SF3B1: variants seen among roughly 807,000 people sequenced by gnomAD.
The protein encoded by SF3B1 is splicing factor 3b subunit 1, also known as pre-mRNA processing 10.
Under a neutral mutation model 153.8 loss-of-function variants are expected in SF3B1, and 12 were observed. The observed-to-expected ratio is 0.08, with a 90% CI of 0.05 to 0.13. The LOEUF is 0.13. Among genes scored for constraint, SF3B1 ranks in the 10% least tolerant of loss-of-function variants. The pLI is 1.00. For synonymous variants in SF3B1, 498 were observed against 525.2 expected, an observed-to-expected ratio of 0.95 and a Z score of 0.71; for missense variants, 513 against 1,606.1, an observed-to-expected ratio of 0.32 and a Z score of 11.63.
chr2:197,396,018 T>C, intron 23 of SF3B1, 38 bp downstream of exon 23: 1 of 1,507,674 alleles, frequency 6.6e-7, no homozygotes, highest in Non-Finnish European at 9.1e-7. Flanking sequence ...GAAGGAAGAG[T>C]TATAATTATT....
intron 6 of SF3B1, among the ~76,000 whole-genome samples, chr2:197,413,449 T>C (rs1217583910): frequency 6.6e-6 from 1 of 152,188 alleles, no homozygotes; most frequent in Non-Finnish European, 1.5e-5. Flanking sequence ...TAGTTACTTA[T>C]ATTGAACAGA....
chr2:197,418,232 T>TC (rs1245843359), intron 5 of SF3B1, among the ~76,000 whole-genome samples: 1 of 6,584 alleles, frequency 1.5e-4, no homozygotes, highest in African/African-American at 4.0e-4. Context: ...TGAGACTGTG[T>TC]CCAAAAAAAA....
At chr2:197,395,918 C>T in intron 23 of SF3B1, 138 bp downstream of exon 23, 1 of 652,006 alleles carries the variant, frequency 1.5e-6, no homozygotes, top group African/African-American at 1.8e-5. Flanking sequence ...GTCATATTTA[C>T]AATGTCCTAA....
chr2:197,416,480 A>G (rs748463709), intron 6 of SF3B1: 1 of 343,158 alleles, frequency 2.9e-6, no homozygotes, highest in Admixed American at 4.5e-5. Context: ...TGATGTCCTC[A>G]TAGGAAGAGC....
At chr2:197,418,821 T>G in intron 4 of SF3B1, 1 of 1,507,946 alleles carries the variant, frequency 6.6e-7, no homozygotes, top group Non-Finnish European at 8.8e-7. Context: ...TTAATGCATA[T>G]AAAAACAAAA....
At chr2:197,412,198 C>A (rs1177716197) in intron 6 of SF3B1, among the ~76,000 whole-genome samples, 1 of 151,726 alleles carries the variant, frequency 6.6e-6, no homozygotes, top group Non-Finnish European at 1.5e-5. Flanking sequence ...TTAAAATCTC[C>A]ATTCTGGCAT....
chr2:197,400,012 G>T lies in SF3B1; in HGVS notation c.3013+43C>A. ...TTACGAAAAAAAAAAGAAAAAGAAA[G>T]TTAAAACAAGAAAAAGTCTTATGTA... is the stretch of plus-strand genomic sequence containing the variant. On this transcript the variant is annotated intron_variant, in intron 20 of 24. Transcript: ENST00000335508. This position sits in a 1 kb window ranked among gnomAD's most constrained non-coding sequence, Gnocchi z 5.0. 2 of 1,301,512 alleles carry T rather than the reference G, an allele frequency of 1.5e-6. No homozygotes were observed. The allele number at this position is 1,301,512 out of a possible 1,614,324, so 80.6% of individuals were successfully genotyped here. A position where few individuals can be genotyped will look rare whatever the true frequency, so the allele number is the denominator to read the frequency against.
At chr2:197,399,446 T>C (rs906207948) in intron 20 of SF3B1, among the ~76,000 whole-genome samples, 4 of 152,126 alleles carry the variant, frequency 2.6e-5, no homozygotes, top group African/African-American at 7.2e-5. Flanking sequence ...TAAGAAACCA[T>C]TTGTTTTCTT....
At position 197,400,405 on chromosome 2, in the gene SF3B1, T is replaced by C. The variant is rs368096465; in HGVS notation, c.2748A>G (p.Thr916=). 51 of 1,612,864 alleles carry C rather than the reference T, an allele frequency of 3.2e-5. No homozygotes were observed. The highest frequency in any genetic ancestry group is 2.9e-4 in the East Asian group (13 of 44,888). The change falls in exon 19 of 25, where the codon ACA becomes ACG. Residue 916 remains threonine (T), a synonymous_variant. Coordinates refer to ENST00000335508, the MANE Select transcript of SF3B1 (RefSeq NM_012433.4). The surrounding 1 kb of genome is among the most constrained non-coding windows in gnomAD (Gnocchi z 5.0). The part of the protein sequence containing the change: ...EDSVMLNGFG[T]VVNALGKRVK... ...CTCGTTTGCCAAGAGCATTAACCAC[T>C]GTGCCAAAGCCGTTCAACATTACTG...
At chr2:197,413,383 G>A (rs1382527578) in intron 6 of SF3B1, among the ~76,000 whole-genome samples, 1 of 152,152 alleles carries the variant, frequency 6.6e-6, no homozygotes, top group African/African-American at 2.4e-5. Context: ...CTACCCATGG[G>A]TGACAGAGCA....
At position 197,392,024 on chromosome 2, in the gene SF3B1, A is replaced by G. The variant is rs762105440; in HGVS notation, c.*279T>C. 3.9e-6 allele frequency: 1 copy of G among 257,162 alleles called. No homozygotes were observed. The highest frequency in any genetic ancestry group is 7.4e-6 in the Non-Finnish European group (1 of 135,110). 15.9% of individuals were successfully genotyped at this position (257,162 alleles called of 1,614,324 possible). ...TTTCTCAATTAAACATTCCCTTTAAACACAAGGAATGAGTTCTAAATCTTC... is the reference window on the plus strand; with the variant it reads ...TTTCTCAATTAAACATTCCCTTTAAGCACAAGGAATGAGTTCTAAATCTTC... On this transcript the variant is annotated 3_prime_UTR_variant, in exon 25 of 25. Transcript: ENST00000335508.
At chr2:197,410,455 T>C (rs1045525147) in intron 6 of SF3B1, among the ~76,000 whole-genome samples, 3 of 152,086 alleles carry the variant, frequency 2.0e-5, no homozygotes, top group African/African-American at 7.2e-5. Flanking sequence ...TTTTGTTTAA[T>C]TGTGTGTGTT....
In SF3B1 at chr2:197,400,140, A is replaced by G. The variant is rs982420996; in HGVS notation, c.2928T>C (p.Val976=). 1 of 1,613,724 alleles carries G rather than the reference A, an allele frequency of 6.2e-7. No individual in the cohort carries two copies. ...CTTCACCCAAATACTCATACAATAC[A>G]ACACCCAAGTGTCCCATCAATTTTT... ...QEEKLMGHLG[V]VLYEYLGEEY... The change falls in exon 20 of 25, where the codon GTT becomes GTC. Residue 976 remains valine (V), a synonymous_variant. Transcript: ENST00000335508. This position sits in a 1 kb window ranked among gnomAD's most constrained non-coding sequence, Gnocchi z 5.0.
intron 6 of SF3B1, among the ~76,000 whole-genome samples, chr2:197,412,420 G>A (rs934603356): frequency 6.6e-6 from 1 of 151,562 alleles, no homozygotes; most frequent in Non-Finnish European, 1.5e-5. Flanking sequence ...CAATGGCGCA[G>A]TCTCGGCTCC....
Position 197,401,347 on chromosome 2 carries a change from A to G in SF3B1, c.2496+53T>C, listed in dbSNP as rs967916826. ...TATACAACATGCATTCAAGTTGACT[A>G]AAGAATGAGTTGAAAGGACTTTTGA... On this transcript the variant is annotated intron_variant, in intron 17 of 24. Coordinates refer to ENST00000335508, the MANE Select transcript of SF3B1 (RefSeq NM_012433.4). This position sits in a 1 kb window ranked among gnomAD's most constrained non-coding sequence, Gnocchi z 4.2. The G allele has an allele frequency of 4.0e-6, 6 of 1,512,332 alleles. No homozygotes were observed. The highest frequency in any genetic ancestry group is 2.3e-5 in the East Asian group (1 of 43,936). The allele number at this position is 1,512,332 out of a possible 1,614,324, so 93.7% of individuals were successfully genotyped here. A position where few individuals can be genotyped will look rare whatever the true frequency, so the allele number is the denominator to read the frequency against.
chr2:197,421,438 A>T (rs541891782), intron 2 of SF3B1, among the ~76,000 whole-genome samples: 1 of 152,342 alleles, frequency 6.6e-6, no homozygotes, highest in East Asian at 1.9e-4. Flanking sequence ...CAGAAGACAA[A>T]ATGTTTTTTC....
intron 22 of SF3B1, 93 bp downstream of exon 22, chr2:197,397,892 C>A: frequency 1.1e-6 from 1 of 933,882 alleles, no homozygotes; most frequent in Non-Finnish European, 1.6e-6. Context: ...CAGACCATGC[C>A]TCAAAAGAGA....
chr2:197,427,960 G>C (rs2085360983), intron 1 of SF3B1, among the ~76,000 whole-genome samples: 1 of 152,082 alleles, frequency 6.6e-6, no homozygotes, highest in African/African-American at 2.4e-5. Context: ...AGAGGATGCA[G>C]TGAGCCGAGA....
chr2:197,403,546 A>T (rs766863701), intron 12 of SF3B1, 39 bp downstream of exon 12: 2 of 1,397,798 alleles, frequency 1.4e-6, no homozygotes, highest in South Asian at 2.9e-5. Flanking sequence ...AAAAAGTTAA[A>T]ACTTTAAACT....
Sources: gnomAD v4.1 joint callset for allele counts (sites outside exome capture counted in the v4.1 genomes callset) on GRCh38, gnomAD v4.1.1 for gene constraint, Gnocchi (gnomAD v3.1) non-coding constraint, MANE v1.5 for transcripts, NCBI Gene and HGNC (gene_info 2026-07-23, HGNC 2026-07-21) for gene names.